Variants in RECQL4 observed in about 807,000 individuals in gnomAD.
RECQL4 encodes RecQ like helicase 4.
RECQL4 carries 158 observed loss-of-function variants against 128.6 expected under a neutral mutation model. That is an observed-to-expected ratio of 1.23 (90% confidence interval 1.08 to 1.40). The LOEUF is 1.40. Among genes scored for constraint, RECQL4 ranks in the 40% most tolerant of loss-of-function variants. The probability of loss-of-function intolerance (pLI) is 0.00; values close to 1 mark genes in which losing one functional copy is unlikely to be tolerated. For synonymous variants in RECQL4, 996 were observed against 678.9 expected, an observed-to-expected ratio of 1.47 and a Z score of -7.26; for missense variants, 2,293 against 1,649.8, an observed-to-expected ratio of 1.39 and a Z score of -6.75.
Position 144,517,096 on chromosome 8 carries a change from G to T in RECQL4, c.308C>A (p.Pro103Gln). The T allele has an allele frequency of 6.2e-7, 1 of 1,612,444 alleles. No individual in the cohort carries two copies. Among genetic ancestry groups the T allele is most frequent in the Admixed American group, 1.7e-5 (1 of 60,006 alleles). Residue 103 changes from proline (P) to glutamine (Q), a missense_variant, in exon 4 of 21, where the codon CCG becomes CAG. Coordinates refer to ENST00000617875, the MANE Select transcript of RECQL4 (RefSeq NM_004260.4). Reference sequence around the variant, plus strand: ...GGCCTTGAGCCGCTGCCCGTAGTCCGGCACCGAGCCCTGGCGGCTCCGCCC... The same window carrying T: ...GGCCTTGAGCCGCTGCCCGTAGTCCTGCACCGAGCCCTGGCGGCTCCGCCC... ...TPGRSRQGSV[P>Q]DYGQRLKANL... is the part of the protein sequence containing the mutation.
chr8:144,512,868 C>T lies in RECQL4; in HGVS notation c.2734G>A (p.Ala912Thr), dbSNP rs2130669439. 3 of 1,600,864 alleles carry T rather than the reference C, an allele frequency of 1.9e-6. No individual in the cohort carries two copies. Among genetic ancestry groups the T allele is most frequent in the East Asian group, 2.3e-5 (1 of 44,378 alleles). The stretch of plus-strand genomic sequence containing the variant: ...TCACCCTCCTCCGGCATGTCCAAAG[C>T]CTGTACGGTAAGCTGTATTGGGAGT... ...RALPIQLTVQ[A>T]LDMPEEAIET... The change falls in exon 15 of 21, where the codon GCT (alanine) becomes ACT (threonine). Residue 912 changes from alanine to threonine, a missense_variant. Ala to Thr is a moderately conservative substitution (Grantham distance 58). Coordinates refer to ENST00000617875, the MANE Select transcript of RECQL4 (RefSeq NM_004260.4).
At chr8:144,511,633 C>G (rs771428532) in intron 20 of RECQL4, 48 bp downstream of exon 20, 1 of 1,606,912 alleles carries the variant, frequency 6.2e-7, no homozygotes, top group Admixed American at 1.7e-5. Context: ...CTCACCTGCC[C>G]CAGCCCCCAG....
rs775962155 is a variant in RECQL4 at position 144,516,219 on chromosome 8, C to G, written c.900G>C (p.Gly300=). Residue 300 remains glycine, a synonymous_variant, in exon 5 of 21, where the codon GGG becomes GGC. Coordinates refer to ENST00000617875, the MANE Select transcript of RECQL4 (RefSeq NM_004260.4). ...GAGGTGGCTGTGCCTGTACAGGTTC[C>G]CCTGGAGGGTCTTCCTCAACTGCTA... ...GAVAVEEDPP[G]EPVQAQPPQP... 6.2e-7 allele frequency: 1 copy of G among 1,613,188 alleles called. No individual in the cohort carries two copies. The highest frequency in any genetic ancestry group is 1.7e-5 in the Admixed American group (1 of 60,014).
rs1828020104 is a variant in RECQL4, at chr8:144,515,457, G to A, written c.1259C>T (p.Ala420Val). ...DHWAAQCPRP[A>V]SEEDTDAVGP... ...AACAGCATCTGTGTCTTCCTCACTTGCTGGGGCAGGCAGGAGAGGGTAGAA... is the reference window on the plus strand; with the variant it reads ...AACAGCATCTGTGTCTTCCTCACTTACTGGGGCAGGCAGGAGAGGGTAGAA... The change falls in exon 7 of 21, where the codon GCA becomes GTA. Residue 420 changes from alanine to valine, a missense_variant and splice_region_variant. Physicochemically the swap from Ala to Val is moderately conservative, Grantham distance 64 (BLOSUM62 0). Coordinates refer to ENST00000617875, the MANE Select transcript of RECQL4 (RefSeq NM_004260.4). The A allele has an allele frequency of 1.2e-6, 2 of 1,612,670 alleles. No individual in the cohort carries two copies. The highest frequency in any genetic ancestry group is 8.5e-7 in the Non-Finnish European group (1 of 1,179,818).
rs770193726 is a variant in RECQL4 at position 144,511,988 on chromosome 8, G to A, written c.3316C>T (p.Arg1106Cys). The change falls in exon 19 of 21, where the codon CGC becomes TGC. Residue 1106 changes from arginine (R) to cysteine (C), a missense_variant. Physicochemically the swap from Arg to Cys is radical, Grantham distance 180. Coordinates refer to ENST00000617875, the MANE Select transcript of RECQL4 (RefSeq NM_004260.4). ...TGCCCTTCCTCTTCCTCAAAGTAGC[G>A]GCCGAGCAGGTCCTTGAGCCTGGTG... ...RSTRLKDLLG[R>C]YFEEEEGQEP... The A allele has an allele frequency of 1.2e-5, 19 of 1,610,594 alleles. No homozygotes were observed. The highest frequency in any genetic ancestry group is 4.4e-5 in the South Asian group (4 of 90,804).
Position 144,511,791 on chromosome 8 carries a change from T to C in RECQL4, c.3394-2A>G, listed in dbSNP as rs758089563. On this transcript the variant is annotated splice_acceptor_variant, in intron 19 of 20. Transcript: ENST00000617875. LOFTEE classifies it high-confidence loss of function. The stretch of plus-strand genomic sequence containing the variant: ...GACCTGGTCCTCCCAATCCTGGAGC[T>C]GTGTGGACAGGCACATCAGGCTTCC... The C allele has an allele frequency of 6.2e-7, 1 of 1,612,496 alleles. No individual in the cohort carries two copies. The highest frequency in any genetic ancestry group is 8.5e-7 in the Non-Finnish European group (1 of 1,179,782).
chr8:144,517,254 C>T (rs555074278), intron 3 of RECQL4, 64 bp from the exon 4 acceptor site: 1 of 1,529,608 alleles, frequency 6.5e-7, no homozygotes. Context: ...CGCTCCCAGC[C>T]ACCCCTCCCG....
Position 144,511,669 on chromosome 8 carries a change from C to T in RECQL4, c.3502+12G>A. 6.2e-7 allele frequency: 1 copy of T among 1,611,564 alleles called. No homozygotes were observed. Among genetic ancestry groups the T allele is most frequent in the East Asian group, 2.2e-5 (1 of 44,878 alleles). On this transcript the variant is annotated intron_variant, in intron 20 of 20. Coordinates refer to ENST00000617875, the MANE Select transcript of RECQL4 (RefSeq NM_004260.4). The stretch of plus-strand genomic sequence containing the variant: ...CCCCAGCCTGCAGCGGGTGGGGCCT[C>T]CCAGGCCTCACCGATGCCGTGGAAG...
Position 144,517,517 on chromosome 8 carries a change from G to A in RECQL4, c.119-9C>T, listed in dbSNP as rs2130741988. On this transcript the variant is annotated splice_polypyrimidine_tract_variant and intron_variant, in intron 2 of 20. Coordinates refer to ENST00000617875, the MANE Select transcript of RECQL4 (RefSeq NM_004260.4). ...GTATTCCCGGTAGAGCGCTGCGTGG[G>A]CGAGCGGGAGGCGGGGTCAGGGTGG... is the stretch of plus-strand genomic sequence containing the variant. 2 of 1,582,166 alleles carry A rather than the reference G, an allele frequency of 1.3e-6. No homozygotes were observed. Among genetic ancestry groups the A allele is most frequent in the South Asian group, 1.1e-5 (1 of 88,032 alleles).
At chr8:144,515,544 T>A in intron 6 of RECQL4, 87 bp from the exon 7 acceptor site, 2 of 1,581,590 alleles carry the variant, frequency 1.3e-6, no homozygotes, top group Non-Finnish European at 1.7e-6. Flanking sequence ...CCAAAGGGGG[T>A]TGGCAGCAGG....
intron 1 of RECQL4, 32 bp from the exon 2 acceptor site, chr8:144,517,667 G>GC (rs1815416692): frequency 6.8e-7 from 1 of 1,463,716 alleles, no homozygotes; most frequent in Non-Finnish European, 9.0e-7. Flanking sequence ...CGCGGGCCGC[G>GC]CCCTCAGCCC....
rs760759229 is a variant in RECQL4, at chr8:144,514,013, A to G, written c.1973T>C (p.Val658Ala). 2 of 1,570,924 alleles carry G rather than the reference A, an allele frequency of 1.3e-6. No homozygotes were observed. The highest frequency in any genetic ancestry group is 2.3e-5 in the South Asian group (2 of 85,954). The change falls in exon 12 of 21, where the codon GTG becomes GCG. Residue 658 changes from valine to alanine, a missense_variant. By Grantham distance (64) the Val-to-Ala change is moderately conservative (BLOSUM62 0). Coordinates refer to ENST00000617875, the MANE Select transcript of RECQL4 (RefSeq NM_004260.4). ...CCCGTGGAGGTCAGGCTCTTCAGCC[A>G]CAGCCAGGTGCTGTGCCACGTCACT... ...TASDVAQHLA[V>A]AEEPDLHGPA...
Position 144,514,961 on chromosome 8 carries a change from G to A in RECQL4, c.1595C>T (p.Pro532Leu), listed in dbSNP as rs1827933646. The change falls in exon 9 of 21, where the codon CCC (proline) becomes CTC (leucine). Residue 532 changes from proline to leucine, a missense_variant. Pro to Leu is a moderately conservative substitution (Grantham distance 98). Coordinates refer to ENST00000617875, the MANE Select transcript of RECQL4 (RefSeq NM_004260.4). ...CTGGTCATCCATGAGTGACAGCAGG[G>A]GAGAGACGACCAACGTGAGGCAGGG... ...RSPCLTLVVS[P>L]LLSLMDDQVS... 1 of 1,611,824 alleles carries A rather than the reference G, an allele frequency of 6.2e-7. No individual in the cohort carries two copies. The highest frequency in any genetic ancestry group is 8.5e-7 in the Non-Finnish European group (1 of 1,179,586).
chr8:144,516,059 C>G lies in RECQL4; in HGVS notation c.1060G>C (p.Val354Leu). The G allele has an allele frequency of 1.2e-6, 2 of 1,612,676 alleles. No individual in the cohort carries two copies. Among genetic ancestry groups the G allele is most frequent in the Non-Finnish European group, 1.7e-6 (2 of 1,179,854 alleles). Residue 354 changes from valine to leucine, a missense_variant, in exon 5 of 21, where the codon GTA (valine) becomes CTA (leucine). Transcript: ENST00000617875. ...TGTTTCTGCTTCATGTTGAGCCGTA[C>G]GTAATTGCCCCTGTCATGGCGGGCC... Reference protein sequence around the residue: ...RLARHDRGNYVRLNMKQKHYV... With the variant: ...RLARHDRGNYLRLNMKQKHYV...
At chr8:144,514,630 G>A in intron 9 of RECQL4, 105 bp from the exon 10 acceptor site, 1 of 1,213,366 alleles carries the variant, frequency 8.2e-7, no homozygotes, top group East Asian at 2.5e-5. Context: ...TCAGGGGAGA[G>A]GAGAACCAGG....
intron 20 of RECQL4, 23 bp downstream of exon 20, chr8:144,511,658 G>A (rs950777473): frequency 1.4e-5 from 23 of 1,610,456 alleles, no homozygotes; most frequent in East Asian, 4.5e-5. Context: ...AGCCTGCAGC[G>A]GGTGGGGCCT....
Position 144,515,828 on chromosome 8 carries a change from T to C in RECQL4, c.1194A>G (p.Thr398=). 1 of 1,612,916 alleles carries C rather than the reference T, an allele frequency of 6.2e-7. No homozygotes were observed. The highest frequency in any genetic ancestry group is 2.2e-5 in the East Asian group (1 of 44,884). Residue 398 remains threonine, a synonymous_variant, in exon 6 of 21, where the codon ACA becomes ACG. Coordinates refer to ENST00000617875, the MANE Select transcript of RECQL4 (RefSeq NM_004260.4). The stretch of plus-strand genomic sequence containing the variant: ...CGTTCAGGAAACAAGACTCCTTGGT[T>C]GTGACTGTGGCACCACCACCCCCAA... ...ECFGGGGATV[T]TKESCFLNEQ...
In RECQL4 at chr8:144,516,430, G is replaced by T; in HGVS notation, c.689C>A (p.Pro230His). ...CTCTGGGCCCTGGGAGCCAGCACCA[G>T]GACCAAGGACAGCCGACTCACCAGG... ...LIPGESAVLGPGAGSQGPEAS... is the reference protein window; with the variant it reads ...LIPGESAVLGHGAGSQGPEAS... The change falls in exon 5 of 21, where the codon CCT becomes CAT. Residue 230 changes from proline (P) to histidine (H), a missense_variant. Pro to His is a moderately conservative substitution (Grantham distance 77). Transcript: ENST00000617875. 1 of 1,609,210 alleles carries T rather than the reference G, an allele frequency of 6.2e-7. No homozygotes were observed.
intron 1 of RECQL4, 32 bp from the exon 2 acceptor site, chr8:144,517,667 G>A (rs900330313): frequency 6.8e-7 from 1 of 1,463,824 alleles, no homozygotes; most frequent in African/African-American, 1.5e-5. Context: ...CGCGGGCCGC[G>A]CCCTCAGCCC....
Sources: allele counts gnomAD v4.1 joint callset, GRCh38; gene constraint gnomAD v4.1.1; transcripts MANE v1.5; gene names NCBI Gene and HGNC (gene_info 2026-07-23, HGNC 2026-07-21).